The following TOPAZ1 variants were observed in gnomAD, a reference collection of about 807,000 sequenced individuals.
The protein encoded by TOPAZ1 is protein TOPAZ1.
In TOPAZ1, 66 loss-of-function variants were observed where a neutral mutation model predicts 172.2. The ratio of observed to expected loss-of-function variants is 0.38; its 90% CI spans 0.31 to 0.47. The LOEUF (loss-of-function observed/expected upper bound fraction) is 0.47, where lower values mean the gene tolerates loss of function less well. TOPAZ1 is among the 20% of genes least tolerant of loss of function. TOPAZ1 has a pLI of 0.99. For synonymous variants in TOPAZ1, 681 were observed against 683.9 expected, an observed-to-expected ratio of 1.00 and a Z score of 0.07; for missense variants, 1,822 against 1,972.4, an observed-to-expected ratio of 0.92 and a Z score of 1.44.
At chr3:44,298,704 G>A (rs1011669323) in intron 12 of TOPAZ1, among the ~76,000 whole-genome samples, 2 of 150,108 alleles carry the variant, frequency 1.3e-5, no homozygotes, top group Non-Finnish European at 3.0e-5. Flanking sequence ...CAATTGAACA[G>A]CCATAGTAAA....
chr3:44,307,072 G>T (rs1356960540), intron 15 of TOPAZ1, among the ~76,000 whole-genome samples: 1 of 152,130 alleles, frequency 6.6e-6, no homozygotes, highest in Non-Finnish European at 1.5e-5. Context: ...GCCCAGGCTG[G>T]AGTGCAATAC....
chr3:44,306,187 T>C (rs1279974211), intron 14 of TOPAZ1, 139 bp from the exon 15 acceptor site: 7 of 546,218 alleles, frequency 1.3e-5, no homozygotes, highest in Non-Finnish European at 2.0e-5. Flanking sequence ...CATTGTTGGC[T>C]CCTAGGCTAT....
chr3:44,326,820 C>G (rs553523869), intron 18 of TOPAZ1, among the ~76,000 whole-genome samples: 220 of 151,994 alleles, frequency 1.4e-3, no homozygotes, highest in Non-Finnish European at 2.6e-3. Context: ...TCCCCAAAAT[C>G]AAATGTGAGT....
intron 2 of TOPAZ1, among the ~76,000 whole-genome samples, chr3:44,249,245 G>A (rs1177852532): frequency 2.0e-5 from 3 of 150,648 alleles, no homozygotes; most frequent in African/African-American, 7.3e-5. Context: ...TTGGGGGGAA[G>A]GGGGAGGAGT....
chr3:44,265,502 G>C (rs1699820704), intron 5 of TOPAZ1, among the ~76,000 whole-genome samples: 1 of 152,190 alleles, frequency 6.6e-6, no homozygotes, highest in Non-Finnish European at 1.5e-5. Context: ...GTTGTAGTGA[G>C]CTGAGATCGC....
At chr3:44,265,494 TGTA>T (rs1473447125) in intron 5 of TOPAZ1, among the ~76,000 whole-genome samples, 2 of 152,084 alleles carry the variant, frequency 1.3e-5, no homozygotes, top group Non-Finnish European at 2.9e-5. Context: ...AGGGGGAGGT[TGTA>T]GTGAGCTGAG....
At chr3:44,272,912 G>A (rs1699913306) in intron 8 of TOPAZ1, among the ~76,000 whole-genome samples, 1 of 152,138 alleles carries the variant, frequency 6.6e-6, no homozygotes, top group Non-Finnish European at 1.5e-5. Flanking sequence ...AAAGTTATTT[G>A]AATTCTTTAT....
intron 2 of TOPAZ1, among the ~76,000 whole-genome samples, chr3:44,251,025 A>G (rs1699623796): frequency 6.6e-6 from 1 of 152,178 alleles, no homozygotes; most frequent in Non-Finnish European, 1.5e-5. Flanking sequence ...TAGCAGTCCT[A>G]TCCAGAAACA....
At chr3:44,291,416 C>CA (rs1256804632) in intron 12 of TOPAZ1, among the ~76,000 whole-genome samples, 1 of 151,108 alleles carries the variant, frequency 6.6e-6, no homozygotes, top group Non-Finnish European at 1.5e-5. Context: ...TCCTGACCAA[C>CA]ATGGTGAAAC....
At chr3:44,287,168 G>T (rs746782462) in intron 9 of TOPAZ1, among the ~76,000 whole-genome samples, 9 of 152,158 alleles carry the variant, frequency 5.9e-5, no homozygotes, top group Non-Finnish European at 1.2e-4. Context: ...TAGCACATGG[G>T]TTACTTCATG....
chr3:44,276,831 G>A (rs13100328), intron 8 of TOPAZ1, among the ~76,000 whole-genome samples: 1,713 of 151,492 alleles, frequency 0.011, 37 homozygotes, highest in African/African-American at 0.039. Flanking sequence ...TGGCTCTGTC[G>A]CCAGGCTGGA....
intron 12 of TOPAZ1, 105 bp from the exon 13 acceptor site, chr3:44,303,910 A>T: frequency 4.9e-6 from 3 of 610,106 alleles, no homozygotes; most frequent in Non-Finnish European, 8.0e-6. Context: ...ATATACATTC[A>T]TTTTTTCTTC....
At position 44,266,858 on chromosome 3, in the gene TOPAZ1, G is replaced by C. The variant is rs1190149489; in HGVS notation, c.3021-139G>C. On this transcript the variant is annotated intron_variant, in intron 5 of 19. Coordinates refer to ENST00000309765, the MANE Select transcript of TOPAZ1 (RefSeq NM_001145030.2). Reference sequence around the variant, plus strand: ...GCACCAATTAGACTTGCTCGACTCAGGGTTGCCACAGTGCTTCAATTTGTA... The same window carrying C: ...GCACCAATTAGACTTGCTCGACTCACGGTTGCCACAGTGCTTCAATTTGTA... The C allele has an allele frequency of 5.4e-6, 3 of 556,300 alleles. No individual in the cohort carries two copies. The Admixed American group carries it at 1.1e-4, about 21-fold the overall frequency. The allele number at this position is 556,300 out of a possible 1,614,324, so 34.5% of individuals were successfully genotyped here.
chr3:44,297,763 C>G (rs1700216174), intron 12 of TOPAZ1, among the ~76,000 whole-genome samples: 1 of 149,424 alleles, frequency 6.7e-6, no homozygotes, highest in South Asian at 2.1e-4. Flanking sequence ...AAAAAAAACA[C>G]TCTCCTAGAA....
chr3:44,298,911 T>TATAGA (rs1559541872), intron 12 of TOPAZ1, among the ~76,000 whole-genome samples: 1 of 20,126 alleles, frequency 5.0e-5, no homozygotes, highest in African/African-American at 1.2e-4. Flanking sequence ...ATATATATAT[T>TATAGA]TTTTTTTTTT....
At chr3:44,303,571 C>T (rs1438982855) in intron 12 of TOPAZ1, among the ~76,000 whole-genome samples, 10 of 146,332 alleles carry the variant, frequency 6.8e-5, no homozygotes, top group African/African-American at 2.5e-4. Flanking sequence ...GCTCTTTCTG[C>T]TAGTTTCCCT....
chr3:44,323,756 G>A (rs1382594486), intron 18 of TOPAZ1, among the ~76,000 whole-genome samples: 1 of 152,142 alleles, frequency 6.6e-6, no homozygotes, highest in Admixed American at 6.5e-5. Flanking sequence ...CATAGTATAT[G>A]TTTTTCACAT....
intron 8 of TOPAZ1, among the ~76,000 whole-genome samples, chr3:44,278,384 C>T (rs772262304): frequency 4.6e-5 from 7 of 152,112 alleles, no homozygotes; most frequent in Non-Finnish European, 1.0e-4. Flanking sequence ...GTAATGCTGG[C>T]ATCACAGAAT....
At position 44,294,460 on chromosome 3, in the gene TOPAZ1, A is replaced by G. The variant is rs546544731; in HGVS notation, c.3797+3574A>G. On this transcript the variant is annotated intron_variant, in intron 12 of 19. Coordinates refer to ENST00000309765, the MANE Select transcript of TOPAZ1 (RefSeq NM_001145030.2). ...GTTATTTTATACTTGAATTTTCTTG[A>G]CTCTTTGAAATAATCACCCTATTCT... is the stretch of plus-strand genomic sequence containing the variant. 2.0e-5 allele frequency among the ~76,000 whole-genome samples: 3 copies of G among 152,044 alleles called. 1 individual carries two copies. The South Asian group carries it at 6.2e-4, about 32-fold the overall frequency.
Sources: gnomAD v4.1 joint callset for allele counts (sites outside exome capture counted in the v4.1 genomes callset) on GRCh38, gnomAD v4.1.1 for gene constraint, MANE v1.5 for transcripts, NCBI Gene and HGNC (gene_info 2026-07-23, HGNC 2026-07-21) for gene names.